CHAT: variants seen among roughly 807,000 people sequenced by gnomAD.
CHAT encodes choline O-acetyltransferase.
In CHAT, 61 loss-of-function variants were observed where a neutral mutation model predicts 76.9. The ratio of observed to expected loss-of-function variants is 0.79; its 90% CI spans 0.65 to 0.98. CHAT has a LOEUF of 0.98. CHAT is among the 50% of genes least tolerant of loss of function. CHAT has a pLI of 0.00. For missense variants in CHAT, 946 were observed against 986.9 expected, an observed-to-expected ratio of 0.96 and a Z score of 0.56; for synonymous variants, 407 against 397.4, an observed-to-expected ratio of 1.02 and a Z score of -0.29.
chr10:49,625,464 C>T lies in CHAT; in HGVS notation c.753-9C>T, dbSNP rs766334717. 1 of 1,612,128 alleles carries T rather than the reference C, an allele frequency of 6.2e-7. No individual in the cohort carries two copies. The highest frequency in any genetic ancestry group is 1.1e-5 in the South Asian group (1 of 90,962). On this transcript the variant is annotated splice_polypyrimidine_tract_variant and intron_variant, in intron 5 of 14. Coordinates refer to ENST00000337653, the MANE Select transcript of CHAT (RefSeq NM_020549.5). Reference sequence around the variant, plus strand: ...CGTGGCTGCCTCCCTTCCCACTCCTCTCCTTCAGCCACTCCATTCCCACTG... The same window carrying T: ...CGTGGCTGCCTCCCTTCCCACTCCTTTCCTTCAGCCACTCCATTCCCACTG...
At chr10:49,627,465 C>T (rs754299227) in intron 6 of CHAT, 143 bp from the exon 7 acceptor site, 12 of 873,912 alleles carry the variant, frequency 1.4e-5, no homozygotes, top group Non-Finnish European at 2.3e-5. Context: ...GGCTTGGTCC[C>T]TAAACTGAGA....
intron 8 of CHAT, 108 bp downstream of exon 8, chr10:49,646,782 G>T: frequency 5.5e-6 from 7 of 1,280,284 alleles, no homozygotes; most frequent in Non-Finnish European, 7.7e-6. Context: ...CTTGTGTCTG[G>T]CAGGCGCACT....
chr10:49,624,613 G>A (rs777062101), intron 5 of CHAT, among the ~76,000 whole-genome samples: 1 of 152,268 alleles, frequency 6.6e-6, no homozygotes, highest in Non-Finnish European at 1.5e-5. Context: ...AGCAGGAGCT[G>A]CATGTCTTAT....
upstream of CHAT, chr10:49,610,271 A>T (rs1838254214): frequency 6.6e-6 from 1 of 152,364 alleles, no homozygotes; most frequent in Non-Finnish European, 1.4e-5. Context: ...CACAGCCCCG[A>T]GTGGAAGGGA....
At chr10:49,658,191 G>T (rs1036005665) in intron 13 of CHAT, among the ~76,000 whole-genome samples, 1 of 152,172 alleles carries the variant, frequency 6.6e-6, no homozygotes, top group Non-Finnish European at 1.5e-5. Context: ...AGACCAGCCT[G>T]GCCAACATGG....
rs17010196 is a variant in CHAT at position 49,625,714 on chromosome 10, G to A, written c.933+61G>A. Reference sequence around the variant, plus strand: ...GAGCATACAGTGGCCATGCGTTCACGTCCATTACCTTCTCCGAGGGGGCTC... The same window carrying A: ...GAGCATACAGTGGCCATGCGTTCACATCCATTACCTTCTCCGAGGGGGCTC... On this transcript the variant is annotated intron_variant, in intron 6 of 14. Coordinates refer to ENST00000337653, the MANE Select transcript of CHAT (RefSeq NM_020549.5). 7.1e-4 allele frequency: 1,047 copies of A among 1,484,738 alleles called. 7 individuals are homozygous for A. The African/African-American group carries it at 0.012, about 17-fold the overall frequency. The allele number at this position is 1,484,738 out of a possible 1,614,324, so 92.0% of individuals were successfully genotyped here.
At chr10:49,646,829 G>A (rs1839686343) in intron 8 of CHAT, among the ~76,000 whole-genome samples, 155 bp downstream of exon 8, 2 of 152,212 alleles carry the variant, frequency 1.3e-5, no homozygotes, top group Admixed American at 6.5e-5. Context: ...GGGTCTGAGG[G>A]GTCAGGAGAG....
chr10:49,663,796 G>A (rs551759315), intron 14 of CHAT, among the ~76,000 whole-genome samples: 4 of 152,368 alleles, frequency 2.6e-5, no homozygotes, highest in East Asian at 3.9e-4. Flanking sequence ...GCATGCAGAC[G>A]TGAATAAACG....
At chr10:49,662,118 A>G (rs1840212041) in intron 13 of CHAT, among the ~76,000 whole-genome samples, 1 of 152,160 alleles carries the variant, frequency 6.6e-6, no homozygotes, top group South Asian at 2.1e-4. Context: ...CACACCCTCT[A>G]TCCTCTATCT....
chr10:49,609,682 G>A (rs1436849979), upstream of CHAT, among the ~76,000 whole-genome samples: 1 of 151,962 alleles, frequency 6.6e-6, no homozygotes, highest in Non-Finnish European at 1.5e-5. Context: ...GGGCCGGTGG[G>A]TCAGAGCCAG....
chr10:49,620,111 C>G (rs568891856), intron 3 of CHAT, among the ~76,000 whole-genome samples, 195 bp downstream of exon 3: 13 of 151,800 alleles, frequency 8.6e-5, no homozygotes, highest in South Asian at 4.2e-4. Flanking sequence ...GAGAAACAAA[C>G]AAGATGAGGA....
At chr10:49,641,841 G>C (rs1337634669) in intron 7 of CHAT, among the ~76,000 whole-genome samples, 5 of 152,190 alleles carry the variant, frequency 3.3e-5, no homozygotes, top group African/African-American at 4.8e-5. Context: ...CAAAGAGGGT[G>C]GTATATGTCC....
In CHAT at chr10:49,614,195, G is replaced by A; in HGVS notation, c.6G>A (p.Gly2=). The change falls in exon 1 of 15, where the codon GGG becomes GGA. Residue 2 remains glycine, a synonymous_variant. Transcript: ENST00000337653. The part of the protein sequence containing the change: M[G]LRTAKKRGLG... ...GGCGGGGAGCTGGGGAAGGGATGGG[G>A]CTGAGGACAGCGAAGAAGAGGGGGC... 1 of 1,535,546 alleles carries A rather than the reference G, an allele frequency of 6.5e-7. No homozygotes were observed. Among genetic ancestry groups the A allele is most frequent in the Non-Finnish European group, 8.8e-7 (1 of 1,137,488 alleles).
chr10:49,646,988 C>T (rs905041848), intron 8 of CHAT: 33 of 455,766 alleles, frequency 7.2e-5, no homozygotes, highest in South Asian at 6.5e-4. Context: ...GCCCATTTCC[C>T]ATCACCCATC....
At chr10:49,661,445 G>A (rs929762932) in intron 13 of CHAT, 1 of 152,198 alleles carries the variant, frequency 6.6e-6, no homozygotes, top group African/African-American at 2.4e-5. Flanking sequence ...CTGTGGTTGT[G>A]TAATGTTTGT....
intron 11 of CHAT, among the ~76,000 whole-genome samples, chr10:49,654,123 C>A (rs1411205452): frequency 1.3e-5 from 2 of 152,218 alleles, no homozygotes; most frequent in Admixed American, 1.3e-4. Context: ...CAATGACTGG[C>A]CAGTGATGGT....
rs1838502523 is a variant in CHAT, at chr10:49,616,518, C to T, written c.303C>T (p.Ile101=). The change falls in exon 2 of 15, where the codon ATC becomes ATT. Residue 101 remains isoleucine (I), a synonymous_variant. Coordinates refer to ENST00000337653, the MANE Select transcript of CHAT (RefSeq NM_020549.5). ...EPRRAGPHLC[I]PAPGLTKTPI... is the part of the protein sequence containing the mutation. ...GGTCCCCAGGTCCACACCTCTGCAT[C>T]CCTGCACCAGGACTCACCAAGACGC... The T allele has an allele frequency of 1.2e-6, 2 of 1,612,514 alleles. No individual in the cohort carries two copies. The highest frequency in any genetic ancestry group is 1.3e-5 in the African/African-American group (1 of 74,856).
intron 5 of CHAT, among the ~76,000 whole-genome samples, chr10:49,623,170 A>G (rs139351114): frequency 6.6e-6 from 1 of 151,984 alleles, no homozygotes; most frequent in African/African-American, 2.4e-5. Context: ...ACAGCATTCT[A>G]TTTCCTCCCA....
At chr10:49,616,047 C>A (rs1255894523) in intron 1 of CHAT, 1 of 1,613,778 alleles carries the variant, frequency 6.2e-7, no homozygotes, top group African/African-American at 1.3e-5. Flanking sequence ...CTACTCCACA[C>A]CAGAGATGTG....
Sources: allele counts gnomAD v4.1 joint callset (sites outside exome capture counted in the v4.1 genomes callset), GRCh38; gene constraint gnomAD v4.1.1; transcripts MANE v1.5; gene names NCBI Gene and HGNC (gene_info 2026-07-23, HGNC 2026-07-21).